The following HELQ variants were observed in gnomAD, a reference collection of about 807,000 sequenced individuals.
The protein encoded by HELQ is helicase POLQ-like.
HELQ carries 77 observed loss-of-function variants against 111.6 expected under a neutral mutation model. That is an observed-to-expected ratio of 0.69 (90% CI 0.57 to 0.83). HELQ has a LOEUF of 0.83. Ranked by LOEUF, HELQ falls within the 40% of genes least tolerant of loss-of-function variation. The probability of loss-of-function intolerance (pLI) is 0.00; values close to 1 mark genes in which losing one functional copy is unlikely to be tolerated. For missense variants in HELQ, 1,200 were observed against 1,288.5 expected, an observed-to-expected ratio of 0.93 and a Z score of 1.05; for synonymous variants, 438 against 454.7, an observed-to-expected ratio of 0.96 and a Z score of 0.47.
chr4:83,412,762 T>C lies in HELQ; in HGVS notation c.3198+3969A>G, dbSNP rs1474805831. Among the ~76,000 whole-genome samples the C allele has an allele frequency of 2.0e-5, 3 of 152,244 alleles. No individual in the cohort carries two copies. In the East Asian group the frequency reaches 5.8e-4, roughly 29 times the overall value. On this transcript the variant is annotated intron_variant, in intron 17 of 17. Coordinates refer to ENST00000295488, the MANE Select transcript of HELQ (RefSeq NM_133636.5). ...CTGCTTGAGCCTGGGAGGGGAAGGC[T>C]GCAGTGATCTATGATTGTGCCATTG...
At chr4:83,422,831 C>T (rs1028751347) in intron 14 of HELQ, among the ~76,000 whole-genome samples, 7 of 151,942 alleles carry the variant, frequency 4.6e-5, no homozygotes, top group Admixed American at 2.6e-4. Flanking sequence ...AAATTGTGTA[C>T]GTATGTGATT....
In HELQ at chr4:83,427,739, T is replaced by C. The variant is rs112757666; in HGVS notation, c.2519-19A>G. The C allele has an allele frequency of 1.0e-4, 149 of 1,453,162 alleles. No homozygotes were observed. The African/African-American group carries it at 2.1e-3, about 20-fold the overall frequency. The allele number at this position is 1,453,162 out of a possible 1,614,324, so 90.0% of individuals were successfully genotyped here. On this transcript the variant is annotated intron_variant, in intron 12 of 17. Coordinates refer to ENST00000295488, the MANE Select transcript of HELQ (RefSeq NM_133636.5). ...ATAGTTCCTAAAAGAAAGATACAAA[T>C]ATTCAATCTTTCACAATTACCAGAG... is the stretch of plus-strand genomic sequence containing the variant.
At chr4:83,421,827 T>A in intron 14 of HELQ, 91 bp from the exon 15 acceptor site, 1 of 905,806 alleles carries the variant, frequency 1.1e-6, no homozygotes, top group Non-Finnish European at 1.8e-6. Flanking sequence ...GAAGTTGTAT[T>A]ACAGAATAGC....
At position 83,427,553 on chromosome 4, in the gene HELQ, A is replaced by T. The variant is rs1332730338; in HGVS notation, c.2676+10T>A. ...GAAGTAGCCTAAGTTGAAAAACGTT[A>T]TATTCTCACCTGCCTGAAGTATATC... On this transcript the variant is annotated intron_variant, in intron 13 of 17. Coordinates refer to ENST00000295488, the MANE Select transcript of HELQ (RefSeq NM_133636.5). 6.6e-7 allele frequency: 1 copy of T among 1,510,114 alleles called. No individual in the cohort carries two copies. Among genetic ancestry groups the T allele is most frequent in the Admixed American group, 2.4e-5 (1 of 41,194 alleles). The allele number at this position is 1,510,114 out of a possible 1,614,324, so 93.5% of individuals were successfully genotyped here.
intron 17 of HELQ, among the ~76,000 whole-genome samples, chr4:83,413,521 C>T (rs1443558643): frequency 1.3e-5 from 2 of 152,144 alleles, no homozygotes; most frequent in Non-Finnish European, 2.9e-5. Flanking sequence ...GGAACAGAAA[C>T]AATTTGTGAC....
chr4:83,434,843 G>C (rs1720366372), intron 9 of HELQ, among the ~76,000 whole-genome samples: 1 of 152,068 alleles, frequency 6.6e-6, no homozygotes, highest in African/African-American at 2.4e-5. Flanking sequence ...TAAGAAAAGA[G>C]ATACGAAAGC....
intron 5 of HELQ, among the ~76,000 whole-genome samples, chr4:83,444,327 G>A (rs1464462399): frequency 6.6e-6 from 1 of 152,070 alleles, no homozygotes; most frequent in Non-Finnish European, 1.5e-5. Context: ...CGAACTCTTG[G>A]CCCATGAAAA....
chr4:83,433,710 T>C (rs370426317), intron 9 of HELQ, among the ~76,000 whole-genome samples: 183 of 140,542 alleles, frequency 1.3e-3, no homozygotes, highest in African/African-American at 4.7e-3. Context: ...TGGCCGTGTG[T>C]GGTAGCTCAT....
chr4:83,432,289 A>G, intron 9 of HELQ, 22 bp from the exon 10 acceptor site: 1 of 1,524,136 alleles, frequency 6.6e-7, no homozygotes. Flanking sequence ...ATGAAAAATG[A>G]TACTCTACAG....
chr4:83,448,498 C>T (rs574796772), intron 3 of HELQ, among the ~76,000 whole-genome samples: 4 of 151,950 alleles, frequency 2.6e-5, no homozygotes, highest in South Asian at 4.1e-4. Context: ...GGTGAAACCC[C>T]GCCTCTACTA....
At chr4:83,439,367 C>CTT (rs34289754) in intron 8 of HELQ, among the ~76,000 whole-genome samples, 30 of 144,440 alleles carry the variant, frequency 2.1e-4, no homozygotes, top group East Asian at 6.2e-4. Context: ...GCCTGGTCTT[C>CTT]TTTTTTTTTT....
Position 83,439,879 on chromosome 4 carries a change from A to G in HELQ, c.1792T>C (p.Cys598Arg), listed in dbSNP as rs1436067436. 1.3e-6 allele frequency: 2 copies of G among 1,583,382 alleles called. No homozygotes were observed. Among genetic ancestry groups the G allele is most frequent in the African/African-American group, 1.4e-5 (1 of 73,466 alleles). ...KNCENVAEMI[C>R]KFLSKEYLKH... ...TTAACATACTTGCTTAAAAATTTGC[A>G]TATCATTTCTGCTACATTTTCACAG... The change falls in exon 8 of 18, where the codon TGC becomes CGC. Residue 598 changes from cysteine to arginine, a missense_variant. By Grantham distance (180) the Cys-to-Arg change is radical. This residue lies in a region of HELQ where 585 missense variants were observed against 665.3 expected (regional missense o/e 0.88). Coordinates refer to ENST00000295488, the MANE Select transcript of HELQ (RefSeq NM_133636.5).
chr4:83,421,489 A>G (rs1739679611), intron 15 of HELQ, 74 bp downstream of exon 15: 1 of 1,081,722 alleles, frequency 9.2e-7, no homozygotes. Flanking sequence ...ATACTGACTA[A>G]CTGGCTTATT....
intron 12 of HELQ, among the ~76,000 whole-genome samples, chr4:83,428,711 G>A (rs924090160): frequency 6.6e-6 from 1 of 152,072 alleles, no homozygotes; most frequent in African/African-American, 2.4e-5. Context: ...ACTTTGGGAG[G>A]CAGGAGGATT....
chr4:83,441,797 G>A (rs917820740), intron 6 of HELQ, among the ~76,000 whole-genome samples: 1 of 145,288 alleles, frequency 6.9e-6, no homozygotes, highest in African/African-American at 2.6e-5. Flanking sequence ...TTTTGAGACA[G>A]GGTCTCACTC....
At chr4:83,432,715 T>C (rs1264525173) in intron 9 of HELQ, among the ~76,000 whole-genome samples, 1 of 152,160 alleles carries the variant, frequency 6.6e-6, no homozygotes, top group Non-Finnish European at 1.5e-5. Flanking sequence ...TTTTGAACTG[T>C]ATAAAATTGC....
chr4:83,445,585 TATA>T lies in HELQ; in HGVS notation c.1465+426_1465+428del, dbSNP rs547387046. Among the ~76,000 whole-genome samples the T allele has an allele frequency of 1.6e-4, 25 of 152,266 alleles. 1 individual carries two copies. In the East Asian group the frequency reaches 4.2e-3, roughly 26 times the overall value. ...ATGTATCGCTTTACAATATTATTAT[TATA>T]ATATTTATGTTATATGTATTATTAT... On this transcript the variant is annotated intron_variant, in intron 5 of 17. Coordinates refer to ENST00000295488, the MANE Select transcript of HELQ (RefSeq NM_133636.5).
chr4:83,418,279 G>A, intron 15 of HELQ, 73 bp from the exon 16 acceptor site: 1 of 749,424 alleles, frequency 1.3e-6, no homozygotes, highest in East Asian at 2.7e-5. Flanking sequence ...TGTGATAGGG[G>A]GCTCAGAGAG....
Position 83,446,023 on chromosome 4 carries a change from A to G in HELQ, c.1456T>C (p.Tyr486His). 1.2e-6 allele frequency: 2 copies of G among 1,604,936 alleles called. No individual in the cohort carries two copies. Among genetic ancestry groups the G allele is most frequent in the Non-Finnish European group, 1.7e-6 (2 of 1,171,798 alleles). Residue 486 changes from tyrosine (Y) to histidine (H), a missense_variant, in exon 5 of 18, where the codon TAC becomes CAC. Physicochemically the swap from Tyr to His is moderately conservative, Grantham distance 83. Transcript: ENST00000295488. ...TTGAAAAAATACTTACTGCTAGTGT[A>G]GAGGATTTTTGCTAGGGTCATTTCC... is the stretch of plus-strand genomic sequence containing the variant. ...TLEMTLAKILYTSKTTQIIGM... is the reference protein window; with the variant it reads ...TLEMTLAKILHTSKTTQIIGM...
Sources: gnomAD v4.1 joint callset for allele counts (sites outside exome capture counted in the v4.1 genomes callset) on GRCh38, gnomAD v4.1.1 for gene constraint, gnomAD v4.1.1 regional missense constraint, MANE v1.5 for transcripts, NCBI Gene and HGNC (gene_info 2026-07-23, HGNC 2026-07-21) for gene names.